The following MORC3 variants were observed in gnomAD, a reference collection of about 807,000 sequenced individuals.
MORC3 encodes the protein MORC family CW-type zinc finger 3, also known as MORC family CW-type zinc finger protein 3.
Under a neutral mutation model 109.1 loss-of-function variants are expected in MORC3, and 31 were observed. The ratio of observed to expected loss-of-function variants is 0.28; its 90% confidence interval spans 0.21 to 0.38. The LOEUF (loss-of-function observed/expected upper bound fraction) is 0.38. MORC3 is among the 10% of genes least tolerant of loss of function. The pLI, the probability that MORC3 is intolerant of heterozygous loss-of-function variation, is 1.00. For synonymous variants in MORC3, 395 were observed against 380.7 expected, an observed-to-expected ratio of 1.04 and a Z score of -0.44; for missense variants, 867 against 1,135.8, an observed-to-expected ratio of 0.76 and a Z score of 3.40.
At chr21:36,340,105 T>C (rs1204628672) in intron 5 of MORC3, among the ~76,000 whole-genome samples, 1 of 152,022 alleles carries the variant, frequency 6.6e-6, no homozygotes, top group African/African-American at 2.4e-5. Context: ...GGCGAAACCC[T>C]GTCTCTACTA....
intron 9 of MORC3, among the ~76,000 whole-genome samples, chr21:36,353,947 T>G (rs1451929296): frequency 2.0e-5 from 3 of 151,136 alleles, no homozygotes; most frequent in Non-Finnish European, 2.9e-5. Flanking sequence ...GGTGGGCACT[T>G]GTAATCCCAG....
intron 13 of MORC3, 71 bp downstream of exon 13, chr21:36,362,299 T>G: frequency 6.6e-7 from 1 of 1,509,408 alleles, no homozygotes; most frequent in Non-Finnish European, 8.9e-7. Flanking sequence ...TCCCAGCATT[T>G]TGGGAGGCCG....
At chr21:36,354,187 T>C (rs2085614442) in intron 9 of MORC3, among the ~76,000 whole-genome samples, 2 of 152,040 alleles carry the variant, frequency 1.3e-5, no homozygotes, top group African/African-American at 4.8e-5. Flanking sequence ...TTGAGTAGGC[T>C]GAGGAAGAAG....
intron 9 of MORC3, among the ~76,000 whole-genome samples, chr21:36,356,126 T>A (rs2085642646): frequency 6.6e-6 from 1 of 152,176 alleles, no homozygotes; most frequent in Admixed American, 6.6e-5. Context: ...TATAATAATA[T>A]TGTATGTATA....
chr21:36,369,451 C>T lies in MORC3; in HGVS notation c.2083C>T (p.Gln695Ter). ...TDKSADDAGC[Q>*]LQELRNQLLL... ...TAAATCTGCAGATGATGCAGGCTGCCAATTACAAGAACTGAGAAACCAGCT... is the reference window on the plus strand; with the variant it reads ...TAAATCTGCAGATGATGCAGGCTGCTAATTACAAGAACTGAGAAACCAGCT... Residue 695 changes from glutamine to a stop codon, truncating the protein, a stop_gained, in exon 15 of 17, where the codon CAA becomes TAA. Transcript: ENST00000400485. LOFTEE classifies it high-confidence loss of function. 1 of 1,613,984 alleles carries T rather than the reference C, an allele frequency of 6.2e-7. No homozygotes were observed. Among genetic ancestry groups the T allele is most frequent in the Non-Finnish European group, 8.5e-7 (1 of 1,180,008 alleles).
chr21:36,363,155 C>T (rs577661939), intron 13 of MORC3, among the ~76,000 whole-genome samples: 1 of 152,250 alleles, frequency 6.6e-6, no homozygotes, highest in Admixed American at 6.5e-5. Flanking sequence ...CGTGGTGGCT[C>T]ATGCCTGTGT....
At chr21:36,374,643 A>T (rs1423945175) in intron 16 of MORC3, among the ~76,000 whole-genome samples, 2 of 152,076 alleles carry the variant, frequency 1.3e-5, no homozygotes, top group Non-Finnish European at 1.5e-5. Context: ...ATAATAATAA[A>T]AATTAACCGG....
At chr21:36,349,430 T>C (rs1238394275) in intron 9 of MORC3, 22 bp downstream of exon 9, 1 of 1,441,338 alleles carries the variant, frequency 6.9e-7, no homozygotes, top group Non-Finnish European at 9.4e-7. Flanking sequence ...ATTTAAATTA[T>C]TGACTGAGGT....
chr21:36,337,232 C>T (rs1293149733), intron 3 of MORC3, among the ~76,000 whole-genome samples: 1 of 152,138 alleles, frequency 6.6e-6, no homozygotes, highest in Non-Finnish European at 1.5e-5. Flanking sequence ...GTCCACCATT[C>T]CTTTAGAGTT....
At chr21:36,341,313 C>T (rs766494553) in intron 5 of MORC3, 86 bp from the exon 6 acceptor site, 53 of 1,297,678 alleles carry the variant, frequency 4.1e-5, no homozygotes, top group Admixed American at 2.4e-4. Context: ...TATTTATTTG[C>T]TTACCTTTTT....
intron 6 of MORC3, among the ~76,000 whole-genome samples, chr21:36,343,734 AC>A (rs2085477601): frequency 6.6e-6 from 1 of 151,810 alleles, no homozygotes; most frequent in Admixed American, 6.6e-5. Flanking sequence ...GGAATGAGCC[AC>A]CTTGCCTAGC....
At chr21:36,373,579 C>T (rs1009040526) in intron 16 of MORC3, among the ~76,000 whole-genome samples, 7 of 151,728 alleles carry the variant, frequency 4.6e-5, no homozygotes, top group East Asian at 3.9e-4. Flanking sequence ...GCCAAGATCG[C>T]GCCATCACGC....
intron 1 of MORC3, among the ~76,000 whole-genome samples, chr21:36,323,407 T>C (rs1160337882): frequency 6.6e-6 from 1 of 152,122 alleles, no homozygotes; most frequent in African/African-American, 2.4e-5. Flanking sequence ...TTTTAAAAAT[T>C]ACATGAGCAG....
Position 36,344,675 on chromosome 21 carries a change from A to G in MORC3, c.853A>G (p.Ile285Val), listed in dbSNP as rs754890383. The change falls in exon 7 of 17, where the codon ATC becomes GTC. Residue 285 changes from isoleucine (I) to valine (V), a missense_variant. By Grantham distance (29) the Ile-to-Val change is conservative (BLOSUM62 3). Around this residue, in one of 7 missense-constraint regions of MORC3, gnomAD observed 120 missense variants for 259.7 expected, o/e 0.46. Transcript: ENST00000400485. ...GCTGGTTTCGAAGAGTCTTGCCTAC[A>G]TCGAACGTGATGTTTATCGACCAAA... is the stretch of plus-strand genomic sequence containing the variant. Reference protein sequence around the residue: ...TQLVSKSLAYIERDVYRPKFL... With the variant: ...TQLVSKSLAYVERDVYRPKFL... 33 of 1,613,774 alleles carry G rather than the reference A, an allele frequency of 2.0e-5. No homozygotes were observed. Among genetic ancestry groups the G allele is most frequent in the African/African-American group, 4.0e-5 (3 of 74,920 alleles).
intron 7 of MORC3, 54 bp downstream of exon 7, chr21:36,344,761 T>G (rs1158289299): frequency 1.9e-6 from 3 of 1,602,904 alleles, no homozygotes; most frequent in Non-Finnish European, 2.6e-6. Flanking sequence ...TATTCTCTTT[T>G]GCCCCTTTCC....
At chr21:36,374,094 T>C (rs1459281535) in intron 16 of MORC3, among the ~76,000 whole-genome samples, 1 of 152,020 alleles carries the variant, frequency 6.6e-6, no homozygotes, top group Non-Finnish European at 1.5e-5. Flanking sequence ...ATTATTATTA[T>C]TATTATTTTT....
rs371756910 is a variant in MORC3, at chr21:36,364,116, G to A, written c.1476G>A (p.Arg492=). 1 of 1,613,892 alleles carries A rather than the reference G, an allele frequency of 6.2e-7. No individual in the cohort carries two copies. Among genetic ancestry groups the A allele is most frequent in the South Asian group, 1.1e-5 (1 of 91,064 alleles). ...AGATTAATGCTGAACTGTTGTTTCGGCCAACTGCTCTTTCAACTCCAAGCT... is the reference window on the plus strand; with the variant it reads ...AGATTAATGCTGAACTGTTGTTTCGACCAACTGCTCTTTCAACTCCAAGCT... The part of the protein sequence containing the change: ...IPRINAELLF[R]PTALSTPSFS... The change falls in exon 14 of 17, where the codon CGG becomes CGA. Residue 492 remains arginine, a synonymous_variant. Transcript: ENST00000400485.
chr21:36,373,822 G>C (rs924097437), intron 16 of MORC3, among the ~76,000 whole-genome samples: 2 of 152,136 alleles, frequency 1.3e-5, no homozygotes, highest in Non-Finnish European at 2.9e-5. Flanking sequence ...TTATTATATT[G>C]TAGTGGGGTA....
Position 36,369,187 on chromosome 21 carries a change from G to A in MORC3, c.1819G>A (p.Gly607Ser). ...AGAACAGAGTCACGTTGAGCAAGGT[G>A]GTGTTCAGGTTGAGTTTGTGGGTGA... ...KSEQSHVEQG[G>S]VQVEFVGDSE... Residue 607 changes from glycine to serine, a missense_variant, in exon 15 of 17, where the codon GGT (glycine) becomes AGT (serine). Transcript: ENST00000400485. 6.2e-7 allele frequency: 1 copy of A among 1,614,144 alleles called. No individual in the cohort carries two copies. The highest frequency in any genetic ancestry group is 2.2e-5 in the East Asian group (1 of 44,884).
Sources: gnomAD v4.1 joint callset for allele counts (sites outside exome capture counted in the v4.1 genomes callset) on GRCh38, gnomAD v4.1.1 for gene constraint, gnomAD v4.1.1 regional missense constraint, MANE v1.5 for transcripts, NCBI Gene and HGNC (gene_info 2026-07-23, HGNC 2026-07-21) for gene names.